Variants in MRPS27 observed in about 807,000 individuals in gnomAD.
MRPS27 encodes the protein mitochondrial ribosomal protein S27.
In MRPS27, 43 loss-of-function variants were observed where a neutral mutation model predicts 48.9. The observed-to-expected ratio is 0.88, with a 90% CI of 0.69 to 1.13. The LOEUF (loss-of-function observed/expected upper bound fraction) is 1.13, where lower values mean the gene tolerates loss of function less well. MRPS27 is among the 50% of genes most tolerant of loss of function. The pLI is 0.00. For synonymous variants in MRPS27, 188 were observed against 171.9 expected (o/e 1.09, Z -0.73); for missense variants, 467 against 476.3 (o/e 0.98, Z 0.18).
intron 2 of MRPS27, among the ~76,000 whole-genome samples, chr5:72,298,547 A>C (rs1215726934): frequency 2.0e-5 from 3 of 152,042 alleles, no homozygotes; most frequent in Non-Finnish European, 4.4e-5. Context: ...TCTACTAAAA[A>C]TACAAAAAAT....
intron 4 of MRPS27, among the ~76,000 whole-genome samples, chr5:72,269,304 G>A (rs1749175915): frequency 6.6e-6 from 1 of 152,192 alleles, no homozygotes; most frequent in Admixed American, 6.6e-5. Context: ...AAGGCTACCT[G>A]AGGTCCTGGT....
intron 10 of MRPS27, 115 bp from the exon 11 acceptor site, chr5:72,221,263 C>T: frequency 7.6e-7 from 1 of 1,324,406 alleles, no homozygotes; most frequent in East Asian, 2.3e-5. Flanking sequence ...AGTTTGCTGA[C>T]TCGTAGTTTA....
intron 4 of MRPS27, among the ~76,000 whole-genome samples, chr5:72,260,915 G>C (rs1415766595): frequency 6.6e-6 from 1 of 152,188 alleles, no homozygotes; most frequent in South Asian, 2.1e-4. Flanking sequence ...TGAGGCTGGA[G>C]TGTAGTGGCG....
At chr5:72,257,785 C>T (rs1164449414) in intron 4 of MRPS27, among the ~76,000 whole-genome samples, 4 of 147,096 alleles carry the variant, frequency 2.7e-5, no homozygotes, top group Admixed American at 2.7e-4. Flanking sequence ...ACTTGATCTA[C>T]AAGATTAAAG....
chr5:72,271,392 T>G (rs1749237643), intron 4 of MRPS27, among the ~76,000 whole-genome samples: 1 of 152,310 alleles, frequency 6.6e-6, no homozygotes, highest in Middle Eastern at 3.4e-3. Flanking sequence ...TATAACATAC[T>G]TTAAAATACA....
intron 4 of MRPS27, among the ~76,000 whole-genome samples, chr5:72,262,753 T>C (rs576195736): frequency 9.8e-4 from 147 of 150,418 alleles, no homozygotes; most frequent in Non-Finnish European, 1.4e-3. Flanking sequence ...CTTTTTTTTA[T>C]TATTATTAAA....
intron 4 of MRPS27, among the ~76,000 whole-genome samples, chr5:72,285,282 T>C (rs189042952): frequency 2.0e-5 from 3 of 152,320 alleles, no homozygotes; most frequent in Admixed American, 6.5e-5. Context: ...CTTGCTCCTG[T>C]TTCCTCTACT....
At chr5:72,222,135 C>T (rs1024023377) in intron 10 of MRPS27, among the ~76,000 whole-genome samples, 5 of 152,146 alleles carry the variant, frequency 3.3e-5, no homozygotes, top group Non-Finnish European at 7.4e-5. Flanking sequence ...ATAAAAATGG[C>T]TCCCAAACAA....
At chr5:72,277,815 T>C (rs1749417917) in intron 4 of MRPS27, among the ~76,000 whole-genome samples, 1 of 152,048 alleles carries the variant, frequency 6.6e-6, no homozygotes, top group Non-Finnish European at 1.5e-5. Flanking sequence ...TGGAAGCCAT[T>C]ATCCTCAGCA....
chr5:72,272,108 G>A (rs987998776), intron 4 of MRPS27, among the ~76,000 whole-genome samples: 2 of 152,168 alleles, frequency 1.3e-5, no homozygotes, highest in Non-Finnish European at 2.9e-5. Context: ...ACATTTTAAA[G>A]ATCAAGAAGT....
intron 4 of MRPS27, among the ~76,000 whole-genome samples, chr5:72,289,372 A>C (rs1225227106): frequency 6.6e-6 from 1 of 152,012 alleles, no homozygotes; most frequent in African/African-American, 2.4e-5. Flanking sequence ...ACAATTCAGC[A>C]TTCCCTACAT....
At chr5:72,233,070 C>T (rs1037253502) in intron 6 of MRPS27, among the ~76,000 whole-genome samples, 3 of 152,064 alleles carry the variant, frequency 2.0e-5, no homozygotes, top group Non-Finnish European at 2.9e-5. Context: ...TACCTTCTCA[C>T]TGTTAAGGCA....
intron 1 of MRPS27, among the ~76,000 whole-genome samples, chr5:72,318,631 C>T (rs1201394118): frequency 6.6e-6 from 1 of 152,112 alleles, no homozygotes; most frequent in South Asian, 2.1e-4. Context: ...CCCGTCTCTA[C>T]TGAAAATACA....
intron 2 of MRPS27, among the ~76,000 whole-genome samples, chr5:72,301,261 T>C (rs1750120237): frequency 6.6e-6 from 1 of 152,336 alleles, no homozygotes; most frequent in South Asian, 2.1e-4. Flanking sequence ...TATGACTATC[T>C]TAAAGGGATT....
chr5:72,288,635 C>G (rs1313107829), intron 4 of MRPS27, among the ~76,000 whole-genome samples: 1 of 152,134 alleles, frequency 6.6e-6, no homozygotes, highest in East Asian at 1.9e-4. Context: ...ATCTCCCAGG[C>G]CTGTGGTAAG....
intron 10 of MRPS27, 64 bp from the exon 11 acceptor site, chr5:72,221,212 G>A: frequency 6.4e-7 from 1 of 1,566,354 alleles, no homozygotes; most frequent in South Asian, 1.2e-5. Flanking sequence ...ATACAAAGAG[G>A]AAAAACTAGC....
intron 6 of MRPS27, 44 bp downstream of exon 6, chr5:72,234,075 A>G: frequency 1.4e-6 from 2 of 1,441,946 alleles, no homozygotes; most frequent in Non-Finnish European, 1.8e-6. Context: ...TCCCTTTGGG[A>G]GCTGGAAGCC....
At position 72,223,698 on chromosome 5, in the gene MRPS27, G is replaced by T. The variant is rs1248290701; in HGVS notation, c.990C>A (p.Tyr330Ter). ...TATGATTCACCTTAAATCGTTCCAG[G>T]TATTGAGGAAGCTTGGACTGCTCTG... ...EETEQSKLPQ[Y>*]LERFKALHSK... Residue 330 changes from tyrosine to a stop codon, truncating the protein, a stop_gained, in exon 10 of 11, where the codon TAC becomes TAA. Transcript: ENST00000261413. LOFTEE classifies it low-confidence loss of function (END_TRUNC). 6.2e-7 allele frequency: 1 copy of T among 1,613,998 alleles called. No homozygotes were observed. The highest frequency in any genetic ancestry group is 8.5e-7 in the Non-Finnish European group (1 of 1,179,920).
At chr5:72,306,860 A>G (rs1029016930) in intron 2 of MRPS27, among the ~76,000 whole-genome samples, 1 of 152,184 alleles carries the variant, frequency 6.6e-6, no homozygotes, top group Non-Finnish European at 1.5e-5. Context: ...AGTTGATGAA[A>G]CAACACTGGT....
Sources: gnomAD v4.1 joint callset for allele counts (sites outside exome capture counted in the v4.1 genomes callset) on GRCh38, gnomAD v4.1.1 for gene constraint, MANE v1.5 for transcripts, NCBI Gene and HGNC (gene_info 2026-07-23, HGNC 2026-07-21) for gene names.